The following BLTP1 variants were observed in gnomAD, a reference collection of about 807,000 sequenced individuals.
BLTP1 encodes fragile site-associated protein.
At chr4:122,336,083 G>A in the BLTP1 span, 5 of 726,476 alleles carry the variant, frequency 6.9e-6, no homozygotes, top group Non-Finnish European at 1.1e-5. Context: ...TTTCTTGTAA[G>A]GCCTTAAATG....
the BLTP1 span, among the ~76,000 whole-genome samples, chr4:122,164,269 A>T: frequency 6.6e-6 from 1 of 152,228 alleles, no homozygotes; most frequent in Non-Finnish European, 1.5e-5. Context: ...TGCTTAGGCA[A>T]AAAAAGCCGT....
the BLTP1 span, chr4:122,350,473 T>C: frequency 1.2e-6 from 1 of 811,944 alleles, no homozygotes; most frequent in Non-Finnish European, 1.5e-6. Context: ...AACCATGTGC[T>C]TAGGCACTAT....
the BLTP1 span, among the ~76,000 whole-genome samples, chr4:122,317,294 T>C: frequency 1.3e-5 from 2 of 151,640 alleles, no homozygotes; most frequent in South Asian, 2.1e-4. Flanking sequence ...ATTGCGCCAT[T>C]GCACTCCAGC....
At chr4:122,274,061 G>GTTAAT in the BLTP1 span, among the ~76,000 whole-genome samples, 6 of 151,982 alleles carry the variant, frequency 3.9e-5, no homozygotes, top group East Asian at 1.2e-3. Flanking sequence ...ATGCCATTAG[G>GTTAAT]CTATGTAATG....
At chr4:122,175,152 T>G in the BLTP1 span, 1 of 984,242 alleles carries the variant, frequency 1.0e-6, no homozygotes, top group Non-Finnish European at 1.2e-6. Context: ...CTACTCAATT[T>G]TTGTGATTTT....
chr4:122,313,937 T>C, the BLTP1 span: 1 of 482,398 alleles, frequency 2.1e-6, no homozygotes, highest in Non-Finnish European at 2.7e-6. Context: ...GAATAAGATA[T>C]ACTTTCTATC....
chr4:122,228,614 A>G, the BLTP1 span, among the ~76,000 whole-genome samples: 2 of 152,198 alleles, frequency 1.3e-5, no homozygotes, highest in Admixed American at 6.5e-5. Flanking sequence ...GATATAGGTG[A>G]TATATACATT....
the BLTP1 span, among the ~76,000 whole-genome samples, chr4:122,335,815 C>G: frequency 2.0e-5 from 3 of 152,014 alleles, no homozygotes; most frequent in African/African-American, 7.2e-5. Context: ...TAAATACATG[C>G]AAGCTAAGCA....
chr4:122,250,503 A>ACAG, the BLTP1 span: 1 of 1,613,852 alleles, frequency 6.2e-7, no homozygotes, highest in Admixed American at 1.7e-5. Flanking sequence ...GATGTCTCTG[A>ACAG]TGATAATCTT....
chr4:122,157,661 C>T, the BLTP1 span, among the ~76,000 whole-genome samples: 1 of 152,128 alleles, frequency 6.6e-6, no homozygotes, highest in Non-Finnish European at 1.5e-5. Context: ...AGTCTGCGGC[C>T]TGGGGGTTGG....
At chr4:122,240,365 A>C in the BLTP1 span, 1 of 1,595,864 alleles carries the variant, frequency 6.3e-7, no homozygotes, top group Non-Finnish European at 8.5e-7. Context: ...TATAAACCAA[A>C]TCATTAGTTT....
chr4:122,155,076 G>A, the BLTP1 span: 1 of 284,900 alleles, frequency 3.5e-6, no homozygotes, highest in African/African-American at 2.3e-5. Context: ...CAGGCTTCTG[G>A]TAATAGAGCA....
At chr4:122,166,631 A>G in the BLTP1 span, among the ~76,000 whole-genome samples, 6 of 152,148 alleles carry the variant, frequency 3.9e-5, no homozygotes, top group African/African-American at 7.2e-5. Context: ...GTAGCTTGAT[A>G]GGGATGGCAT....
the BLTP1 span, chr4:122,325,441 G>A: frequency 1.4e-5 from 19 of 1,399,490 alleles, no homozygotes; most frequent in Non-Finnish European, 1.8e-5. Flanking sequence ...TATGGATTGT[G>A]ATGACTGAAC....
the BLTP1 span, chr4:122,244,107 C>T: frequency 5.1e-6 from 7 of 1,365,848 alleles, no homozygotes; most frequent in South Asian, 2.0e-5. Context: ...GTGATATGTT[C>T]GTGTAGAAGA....
chr4:122,172,873 G>T, the BLTP1 span: 1 of 961,700 alleles, frequency 1.0e-6, no homozygotes, highest in Non-Finnish European at 1.2e-6. Flanking sequence ...TAATGGATCT[G>T]ATCGGAATTT....
At chr4:122,209,781 G>A in the BLTP1 span, 1 of 1,604,756 alleles carries the variant, frequency 6.2e-7, no homozygotes, top group Non-Finnish European at 8.5e-7. Context: ...AAAGGAATGA[G>A]TATCTGACTA....
At chr4:122,174,695 C>CT in the BLTP1 span, 1 of 1,322,318 alleles carries the variant, frequency 7.6e-7, no homozygotes, top group Non-Finnish European at 1.1e-6. Flanking sequence ...GTTAAACATA[C>CT]TTTAAAAATA....
the BLTP1 span, chr4:122,356,657 T>C: frequency 1.2e-6 from 2 of 1,613,838 alleles, no homozygotes. Context: ...TGTAGTGTGG[T>C]GACAGAGTTC....
Sources: gnomAD v4.1 joint callset for allele counts (sites outside exome capture counted in the v4.1 genomes callset) on GRCh38, gnomAD v4.1.1 for gene constraint, MANE v1.5 for transcripts, NCBI Gene and HGNC (gene_info 2026-07-23, HGNC 2026-07-21) for gene names.